ATP6V1A: variants seen among roughly 807,000 people sequenced by gnomAD.
ATP6V1A encodes ATPase H+ transporting V1 subunit A.
A neutral mutation model predicts 70.1 loss-of-function variants in ATP6V1A; 18 were observed. The observed-to-expected ratio is 0.26, with a 90% confidence interval of 0.18 to 0.38. The LOEUF (loss-of-function observed/expected upper bound fraction) is 0.38, where lower values mean the gene tolerates loss of function less well. Ranked by LOEUF, ATP6V1A falls within the 10% of genes least tolerant of loss-of-function variation. ATP6V1A has a pLI of 1.00. For missense variants in ATP6V1A, 424 were observed against 772.4 expected, an observed-to-expected ratio of 0.55 and a Z score of 5.35; for synonymous variants, 232 against 253.8, an observed-to-expected ratio of 0.91 and a Z score of 0.82.
intron 13 of ATP6V1A, among the ~76,000 whole-genome samples, 190 bp downstream of exon 13, chr3:113,803,867 A>G (rs1166910858): frequency 6.6e-6 from 1 of 152,222 alleles, no homozygotes; most frequent in Non-Finnish European, 1.5e-5. Context: ...CATTTGTCCA[A>G]TTATGACAGT....
Position 113,803,555 on chromosome 3 carries a change from T to A in ATP6V1A, c.1495-28T>A, listed in dbSNP as rs201421967. 345 of 1,503,342 alleles carry A rather than the reference T, an allele frequency of 2.3e-4. 3 individuals are homozygous for A. The East Asian group carries it at 4.6e-3, about 20-fold the overall frequency. 93.1% of individuals were successfully genotyped at this position (1,503,342 alleles called of 1,614,324 possible). A position where few individuals can be genotyped will look rare whatever the true frequency, so the allele number is the denominator to read the frequency against. ...CATCAATCTTACATTTTAGAGTAAA[T>A]GTCTAAAAATATCTTTTTCTCTTCT... On this transcript the variant is annotated intron_variant, in intron 12 of 14. Transcript: ENST00000273398.
At chr3:113,757,689 A>G (rs1708660710) in intron 1 of ATP6V1A, among the ~76,000 whole-genome samples, 1 of 152,246 alleles carries the variant, frequency 6.6e-6, no homozygotes, top group Admixed American at 6.5e-5. Flanking sequence ...ACTTGGCAGG[A>G]CCAGAGAGTG....
chr3:113,752,670 AGAATTT>A (rs1429481797), intron 1 of ATP6V1A, among the ~76,000 whole-genome samples: 2 of 152,210 alleles, frequency 1.3e-5, no homozygotes, highest in East Asian at 3.9e-4. Flanking sequence ...TAAGTGCAGC[AGAATTT>A]TAAAAAGCAG....
chr3:113,806,111 A>G (rs1001036053), intron 14 of ATP6V1A, among the ~76,000 whole-genome samples: 2 of 152,150 alleles, frequency 1.3e-5, no homozygotes, highest in Non-Finnish European at 2.9e-5. Flanking sequence ...CGTCTCTACA[A>G]AAAATACAAA....
chr3:113,768,592 C>CTTT (rs34915547), intron 1 of ATP6V1A, among the ~76,000 whole-genome samples: 8 of 103,388 alleles, frequency 7.7e-5, no homozygotes, highest in South Asian at 7.7e-4. Context: ...TAGCCTGTAT[C>CTTT]TTTTTTTTTT....
rs530833177 is a variant in ATP6V1A, at chr3:113,796,977, C to G, written c.1290+1038C>G. On this transcript the variant is annotated intron_variant, in intron 11 of 14. Transcript: ENST00000273398. ...TGATACGGAGTTTCACTCTTGTTGC[C>G]CAGGCTGGAGTGCAATGGCACAAAC... Among the ~76,000 whole-genome samples the G allele has an allele frequency of 9.9e-5, 15 of 152,254 alleles. 1 individual carries two copies. The South Asian group carries it at 3.1e-3, about 32-fold the overall frequency.
chr3:113,794,912 T>A lies in ATP6V1A; in HGVS notation c.1029T>A (p.His343Gln). The A allele has an allele frequency of 6.2e-7, 1 of 1,613,946 alleles. No individual in the cohort carries two copies. Among genetic ancestry groups the A allele is most frequent in the Middle Eastern group, 1.7e-4 (1 of 6,060 alleles). Residue 343 changes from histidine (H) to glutamine (Q), a missense_variant, in exon 9 of 15, where the codon CAT (histidine) becomes CAA (glutamine). Physicochemically the swap from His to Gln is conservative, Grantham distance 24 (BLOSUM62 0). Transcript: ENST00000273398. ...AGTACTTCCGTGACATGGGCTATCA[T>A]GTCAGTATGATGGCTGACTCTACCT... ...LSEYFRDMGY[H>Q]VSMMADSTSR...
intron 7 of ATP6V1A, 87 bp downstream of exon 7, chr3:113,788,962 G>T: frequency 8.5e-7 from 1 of 1,180,814 alleles, no homozygotes. Context: ...TGTTGGGTCT[G>T]GAGCAATGCT....
chr3:113,789,994 G>C (rs1429911663), intron 8 of ATP6V1A, among the ~76,000 whole-genome samples, 154 bp downstream of exon 8: 4 of 152,104 alleles, frequency 2.6e-5, no homozygotes, highest in Non-Finnish European at 4.4e-5. Flanking sequence ...ACTTGGCCGG[G>C]AATGGTGACT....
At chr3:113,751,340 T>C (rs1333480936) in intron 1 of ATP6V1A, among the ~76,000 whole-genome samples, 1 of 151,912 alleles carries the variant, frequency 6.6e-6, no homozygotes, top group Non-Finnish European at 1.5e-5. Context: ...ATGGAAAATA[T>C]CAGCAAATTA....
In ATP6V1A at chr3:113,811,798, T is replaced by A. The variant is rs1482932905; in HGVS notation, c.*2371T>A. On this transcript the variant is annotated 3_prime_UTR_variant, in exon 15 of 15. Coordinates refer to ENST00000273398, the MANE Select transcript of ATP6V1A (RefSeq NM_001690.4). ...TAAGAATGTGTTAAAATTACAATGA[T>A]CTTTTAAAAAGATGATGCAGTTCTG... The A allele has an allele frequency of 6.6e-6, 1 of 152,654 alleles. No homozygotes were observed. Among genetic ancestry groups the A allele is most frequent in the Admixed American group, 6.5e-5 (1 of 15,282 alleles). The allele number at this position is 152,654 out of a possible 1,614,324, so 9.5% of individuals were successfully genotyped here. A position where few individuals can be genotyped will look rare whatever the true frequency, so the allele number is the denominator to read the frequency against.
intron 1 of ATP6V1A, among the ~76,000 whole-genome samples, chr3:113,761,633 G>A (rs1210838533): frequency 2.0e-5 from 3 of 150,782 alleles, no homozygotes; most frequent in Non-Finnish European, 4.4e-5. Flanking sequence ...CTACTCTGGA[G>A]GCCGAAGCAG....
At position 113,794,773 on chromosome 3, in the gene ATP6V1A, G is replaced by T. The variant is rs562876612; in HGVS notation, c.989-99G>T. ...TTTGAGGGAGCCACTAGCAGTCTAC[G>T]TTGTGTACTTATTGCTTTAAGGTTT... On this transcript the variant is annotated intron_variant, in intron 8 of 14. Transcript: ENST00000273398. The T allele has an allele frequency of 2.2e-6, 3 of 1,381,196 alleles. No homozygotes were observed. In the African/African-American group the frequency reaches 4.3e-5, roughly 20 times the overall value. The allele number at this position is 1,381,196 out of a possible 1,614,324, so 85.6% of individuals were successfully genotyped here. A position where few individuals can be genotyped will look rare whatever the true frequency, so the allele number is the denominator to read the frequency against.
At chr3:113,787,767 A>G (rs1399524646) in intron 6 of ATP6V1A, among the ~76,000 whole-genome samples, 1 of 152,204 alleles carries the variant, frequency 6.6e-6, no homozygotes, top group Non-Finnish European at 1.5e-5. Context: ...GTAATGGCAA[A>G]AACCGATATC....
chr3:113,788,475 C>T (rs990685791), intron 6 of ATP6V1A, among the ~76,000 whole-genome samples: 1 of 151,780 alleles, frequency 6.6e-6, no homozygotes. Context: ...GCTGGGATTA[C>T]AGGCACCCAC....
At chr3:113,749,737 C>CT (rs1191617208) in intron 1 of ATP6V1A, among the ~76,000 whole-genome samples, 1 of 152,122 alleles carries the variant, frequency 6.6e-6, no homozygotes, top group Non-Finnish European at 1.5e-5. Context: ...GATAGGTACT[C>CT]AATAAATTAT....
At position 113,755,907 on chromosome 3, in the gene ATP6V1A, A is replaced by G. The variant is rs534614918; in HGVS notation, c.-14+8794A>G. ...AGTATTACGTTGGAGATCTTTTCAC[A>G]TTGATACAGTTAAAACTGCCTCATT... On this transcript the variant is annotated intron_variant, in intron 1 of 14. Transcript: ENST00000273398. Among the ~76,000 whole-genome samples, 15 of 152,308 alleles carry G rather than the reference A, an allele frequency of 9.8e-5. 2 individuals carry two copies. Among genetic ancestry groups the G allele is most frequent in the African/African-American group, 3.4e-4 (14 of 41,556 alleles).
At chr3:113,797,591 C>T (rs1164214179) in intron 11 of ATP6V1A, among the ~76,000 whole-genome samples, 1 of 151,990 alleles carries the variant, frequency 6.6e-6, no homozygotes, top group South Asian at 2.1e-4. Flanking sequence ...AGTGTGTATT[C>T]GATCTACATA....
chr3:113,798,550 A>G (rs1485253468), intron 12 of ATP6V1A, 104 bp downstream of exon 12: 1 of 935,950 alleles, frequency 1.1e-6, no homozygotes, highest in Non-Finnish European at 1.5e-6. Flanking sequence ...AGCAAAATAA[A>G]TATTTATTAA....
Sources: allele counts gnomAD v4.1 joint callset (sites outside exome capture counted in the v4.1 genomes callset), GRCh38; gene constraint gnomAD v4.1.1; transcripts MANE v1.5; gene names NCBI Gene and HGNC (gene_info 2026-07-23, HGNC 2026-07-21).